PPP3R1: variants seen among roughly 807,000 people sequenced by gnomAD.
PPP3R1 encodes protein phosphatase 3 regulatory subunit B, alpha.
PPP3R1 carries 5 observed loss-of-function variants against 22.6 expected under a neutral mutation model. The ratio of observed to expected loss-of-function variants is 0.22; its 90% confidence interval spans 0.12 to 0.46. The LOEUF is 0.46. Ranked by LOEUF, PPP3R1 falls within the 20% of genes least tolerant of loss-of-function variation. PPP3R1 has a pLI of 0.99. For synonymous variants in PPP3R1, 56 were observed against 65.2 expected, an observed-to-expected ratio of 0.86 and a Z score of 0.68; for missense variants, 61 against 203.2, an observed-to-expected ratio of 0.30 and a Z score of 4.25.
intron 3 of PPP3R1, 31 bp downstream of exon 3, chr2:68,188,483 T>C: frequency 2.6e-6 from 4 of 1,526,106 alleles, no homozygotes; most frequent in Non-Finnish European, 3.6e-6. Flanking sequence ...GTTAGATAAC[T>C]TGTGGTTATA....
chr2:68,243,405 A>C (rs1670169548), intron 1 of PPP3R1, among the ~76,000 whole-genome samples: 1 of 152,136 alleles, frequency 6.6e-6, no homozygotes, highest in South Asian at 2.1e-4. Flanking sequence ...GAAAATTCAG[A>C]AAGGGAAGAA....
intron 2 of PPP3R1, among the ~76,000 whole-genome samples, chr2:68,216,539 C>A (rs1353715642): frequency 6.6e-6 from 1 of 151,944 alleles, no homozygotes; most frequent in Non-Finnish European, 1.5e-5. Flanking sequence ...CCAGAAAATA[C>A]GGAAAGCTGT....
intron 2 of PPP3R1, among the ~76,000 whole-genome samples, chr2:68,196,179 T>C (rs773458618): frequency 3.9e-5 from 6 of 152,192 alleles, no homozygotes; most frequent in East Asian, 1.9e-4. Context: ...AAAAACCTCA[T>C]AGTGTTATCA....
intron 1 of PPP3R1, among the ~76,000 whole-genome samples, chr2:68,229,999 CACACACACACACAT>C (rs1363121314): frequency 2.1e-5 from 3 of 145,692 alleles, no homozygotes; most frequent in Admixed American, 6.7e-5. Flanking sequence ...CACACACACA[CACACACACACACAT>C]ATATATTTGG....
chr2:68,220,623 T>C (rs1276758648), intron 1 of PPP3R1, among the ~76,000 whole-genome samples: 1 of 152,210 alleles, frequency 6.6e-6, no homozygotes, highest in East Asian at 1.9e-4. Flanking sequence ...TCTTACGTTC[T>C]TTAAAGGAAT....
At chr2:68,247,912 A>G (rs1572981146) in intron 1 of PPP3R1, among the ~76,000 whole-genome samples, 1 of 152,216 alleles carries the variant, frequency 6.6e-6, no homozygotes, top group East Asian at 1.9e-4. Context: ...CCTCATGTCT[A>G]GATTCATCTA....
chr2:68,248,855 CAT>C (rs1307367288), intron 1 of PPP3R1, among the ~76,000 whole-genome samples: 2 of 152,160 alleles, frequency 1.3e-5, no homozygotes, highest in Non-Finnish European at 2.9e-5. Context: ...GTGTACTATT[CAT>C]ATGACACTCA....
At chr2:68,209,232 G>A (rs1043321016) in intron 2 of PPP3R1, among the ~76,000 whole-genome samples, 3 of 147,594 alleles carry the variant, frequency 2.0e-5, no homozygotes, top group Admixed American at 6.7e-5. Flanking sequence ...AGTGGCGGGC[G>A]CCTGTAGTCC....
At chr2:68,234,722 C>T (rs1229552977) in intron 1 of PPP3R1, among the ~76,000 whole-genome samples, 7 of 152,150 alleles carry the variant, frequency 4.6e-5, no homozygotes, top group African/African-American at 1.7e-4. Flanking sequence ...CAACAACTTC[C>T]TGCAGGTAGC....
chr2:68,227,921 T>A (rs1464376602), intron 1 of PPP3R1, among the ~76,000 whole-genome samples: 1 of 152,194 alleles, frequency 6.6e-6, no homozygotes, highest in Non-Finnish European at 1.5e-5. Context: ...GCAAACGGGA[T>A]CCGTTTTTCT....
Position 68,194,933 on chromosome 2 carries a change from T to A in PPP3R1, c.44-6243A>T, listed in dbSNP as rs146259545. ...CAACTGATTTAAAACAAAGCAAGTA[T>A]CTCTAAATTCTAACAATAATATTTT... On this transcript the variant is annotated intron_variant, in intron 2 of 5. Transcript: ENST00000234310. Among the ~76,000 whole-genome samples, 18 of 152,260 alleles carry A rather than the reference T, an allele frequency of 1.2e-4. No individual in the cohort carries two copies. The East Asian group carries it at 3.5e-3, about 29-fold the overall frequency.
intron 1 of PPP3R1, among the ~76,000 whole-genome samples, chr2:68,240,691 C>T (rs953380555): frequency 3.9e-5 from 6 of 152,050 alleles, no homozygotes; most frequent in East Asian, 3.8e-4. Flanking sequence ...ACATAGCAAA[C>T]GATACTGGGT....
At chr2:68,198,175 A>T (rs1674841341) in intron 2 of PPP3R1, among the ~76,000 whole-genome samples, 2 of 145,306 alleles carry the variant, frequency 1.4e-5, no homozygotes, top group South Asian at 4.2e-4. Context: ...ATATACATAC[A>T]TGTATATATA....
chr2:68,198,114 GTAAA>G (rs1416545127), intron 2 of PPP3R1, among the ~76,000 whole-genome samples: 3 of 108,856 alleles, frequency 2.8e-5, no homozygotes, highest in East Asian at 2.9e-4. Context: ...ACATATATAT[GTAAA>G]TATATATGTA....
At chr2:68,202,963 C>G (rs1008278652) in intron 2 of PPP3R1, among the ~76,000 whole-genome samples, 1 of 151,988 alleles carries the variant, frequency 6.6e-6, no homozygotes, top group African/African-American at 2.4e-5. Context: ...CCACCATACC[C>G]GGCTAATTTG....
intron 1 of PPP3R1, 99 bp from the exon 2 acceptor site, chr2:68,217,230 G>C: frequency 1.3e-6 from 1 of 761,232 alleles, no homozygotes; most frequent in Non-Finnish European, 2.2e-6. Flanking sequence ...AGGGAAATAA[G>C]CCATAAACTA....
intron 1 of PPP3R1, among the ~76,000 whole-genome samples, chr2:68,243,864 G>A (rs2103812213): frequency 6.6e-6 from 1 of 150,720 alleles, no homozygotes; most frequent in South Asian, 2.1e-4. Context: ...TTTTTAATAA[G>A]AACTAAATTA....
intron 2 of PPP3R1, among the ~76,000 whole-genome samples, chr2:68,208,926 AAT>A (rs1491122029): frequency 8.6e-5 from 7 of 81,416 alleles, no homozygotes; most frequent in Admixed American, 2.4e-4. Context: ...CTAAAAAAAA[AAT>A]TTTTTTTTTT....
intron 4 of PPP3R1, 85 bp from the exon 5 acceptor site, chr2:68,186,737 C>CA: frequency 8.4e-7 from 1 of 1,195,940 alleles, no homozygotes; most frequent in Non-Finnish European, 1.2e-6. Context: ...AGTAAACTGA[C>CA]AAACATCAAA....
Sources: gnomAD v4.1 joint callset for allele counts (sites outside exome capture counted in the v4.1 genomes callset) on GRCh38, gnomAD v4.1.1 for gene constraint, MANE v1.5 for transcripts, NCBI Gene and HGNC (gene_info 2026-07-23, HGNC 2026-07-21) for gene names.